GRAMD4: variants seen among roughly 807,000 people sequenced by gnomAD.
The protein encoded by GRAMD4 is GRAM domain containing 4.
Under a neutral mutation model 83.9 loss-of-function variants are expected in GRAMD4, and 25 were observed. The observed-to-expected ratio is 0.30, with a 90% CI of 0.22 to 0.42. GRAMD4 has a LOEUF of 0.42. Ranked by LOEUF, GRAMD4 falls within the 10% of genes least tolerant of loss-of-function variation. The pLI, the probability that GRAMD4 is intolerant of heterozygous loss-of-function variation, is 1.00. For missense variants in GRAMD4, 593 were observed against 788.7 expected (o/e 0.75, Z 2.97); for synonymous variants, 336 against 320.9 (o/e 1.05, Z -0.50).
intron 1 of GRAMD4, among the ~76,000 whole-genome samples, chr22:46,592,628 G>A (rs776045623): frequency 3.9e-5 from 6 of 152,078 alleles, no homozygotes; most frequent in African/African-American, 7.2e-5. Context: ...CATCCTCTAC[G>A]CCTGCAGAAG....
rs996603618 is a variant in GRAMD4 at position 46,677,524 on chromosome 22, G to C, written c.*273G>C. The stretch of plus-strand genomic sequence containing the variant: ...GGGGGAGGGGGCAGAGGCCCTCGGG[G>C]GCCCGTGGAGAAGACACACAGGACC... On this transcript the variant is annotated 3_prime_UTR_variant, in exon 19 of 19. Coordinates refer to ENST00000406902, the MANE Select transcript of GRAMD4 (RefSeq NM_015124.5). 2 of 1,207,454 alleles carry C rather than the reference G, an allele frequency of 1.7e-6. No homozygotes were observed. Among genetic ancestry groups the C allele is most frequent in the Non-Finnish European group, 2.1e-6 (2 of 966,046 alleles). 74.8% of individuals were successfully genotyped at this position (1,207,454 alleles called of 1,614,324 possible). A position where few individuals can be genotyped will look rare whatever the true frequency, so the allele number is the denominator to read the frequency against.
At chr22:46,642,758 T>A (rs2081990311) in intron 3 of GRAMD4, among the ~76,000 whole-genome samples, 1 of 152,226 alleles carries the variant, frequency 6.6e-6, no homozygotes, top group Admixed American at 6.5e-5. Flanking sequence ...TTTTTTCTTT[T>A]AAATTTTGAC....
intron 1 of GRAMD4, among the ~76,000 whole-genome samples, chr22:46,623,974 G>A (rs1166856262): frequency 1.3e-5 from 2 of 151,886 alleles, no homozygotes; most frequent in African/African-American, 4.8e-5. Flanking sequence ...CAGAGATGGA[G>A]GTTCGCCATG....
At chr22:46,615,182 G>C (rs1223928597) in intron 1 of GRAMD4, among the ~76,000 whole-genome samples, 1 of 10,844 alleles carries the variant, frequency 9.2e-5, no homozygotes, top group Non-Finnish European at 1.7e-4. Flanking sequence ...TGTAGGTTCC[G>C]CTGTGCGTGT....
chr22:46,677,047 A>G, intron 18 of GRAMD4, 100 bp from the exon 19 acceptor site: 1 of 1,374,782 alleles, frequency 7.3e-7, no homozygotes. Flanking sequence ...CCACGTGACT[A>G]GCGTGCTGGC....
In GRAMD4 at chr22:46,577,218, T is replaced by G. The variant is rs939647251; in HGVS notation, c.-122T>G. On this transcript the variant is annotated 5_prime_UTR_variant, in exon 1 of 2. Coordinates refer to the GRAMD4 transcript ENST00000431155. ...TGGGCTCCCGGGCGGGCGGCAGGCG[T>G]AGCGCGGCCGGGCGGCCGGCGAGGG... 6.5e-6 allele frequency: 6 copies of G among 916,206 alleles called. No individual in the cohort carries two copies. The African/African-American group carries it at 7.4e-5, about 11-fold the overall frequency. The allele number at this position is 916,206 out of a possible 1,614,324, so 56.8% of individuals were successfully genotyped here. A position where few individuals can be genotyped will look rare whatever the true frequency, so the allele number is the denominator to read the frequency against.
intron 1 of GRAMD4, among the ~76,000 whole-genome samples, chr22:46,614,242 C>T (rs1279968781): frequency 3.9e-5 from 6 of 152,232 alleles, no homozygotes; most frequent in Non-Finnish European, 7.3e-5. Flanking sequence ...GCAATGATGG[C>T]CGCTGGCATG....
intron 3 of GRAMD4, among the ~76,000 whole-genome samples, chr22:46,650,643 G>A (rs1166134347): frequency 2.0e-5 from 3 of 152,264 alleles, no homozygotes; most frequent in Non-Finnish European, 4.4e-5. Flanking sequence ...GCTGGAGCAG[G>A]TGGGTGCACA....
chr22:46,611,777 T>G (rs2081419198), intron 1 of GRAMD4, among the ~76,000 whole-genome samples: 1 of 150,624 alleles, frequency 6.6e-6, no homozygotes, highest in Admixed American at 6.6e-5. Context: ...GATCACGAGG[T>G]CAGGAGATCG....
intron 1 of GRAMD4, among the ~76,000 whole-genome samples, chr22:46,623,510 C>T (rs1178841707): frequency 6.0e-5 from 9 of 148,898 alleles, no homozygotes; most frequent in Non-Finnish European, 7.5e-5. Flanking sequence ...GCCTCAGCCT[C>T]CTGAGTAGCT....
upstream of GRAMD4, among the ~76,000 whole-genome samples, chr22:46,618,787 T>G (rs1447175508): frequency 6.6e-6 from 1 of 152,010 alleles, no homozygotes; most frequent in Non-Finnish European, 1.5e-5. The surrounding 1 kb of genome is among the most constrained non-coding windows in gnomAD (Gnocchi z 5.8). Flanking sequence ...TCTGGAGGCG[T>G]GCGGCCGGCG....
intron 8 of GRAMD4, 62 bp downstream of exon 8, chr22:46,664,179 A>G: frequency 3.4e-6 from 4 of 1,177,104 alleles, no homozygotes; most frequent in South Asian, 1.2e-5. Flanking sequence ...CATTCACCAC[A>G]TGATCAGGCA....
At chr22:46,581,871 T>G (rs1025810857) in intron 1 of GRAMD4, among the ~76,000 whole-genome samples, 1 of 152,234 alleles carries the variant, frequency 6.6e-6, no homozygotes, top group Non-Finnish European at 1.5e-5. Context: ...ACCTAACCTC[T>G]CTGGGCCTCA....
At chr22:46,628,197 A>G (rs1350762111) in intron 2 of GRAMD4, among the ~76,000 whole-genome samples, 1 of 152,118 alleles carries the variant, frequency 6.6e-6, no homozygotes, top group Non-Finnish European at 1.5e-5. Context: ...TTCCACGCAA[A>G]GGCCAGAGCG....
At chr22:46,634,391 G>A (rs1429660880) in intron 2 of GRAMD4, among the ~76,000 whole-genome samples, 1 of 152,236 alleles carries the variant, frequency 6.6e-6, no homozygotes, top group East Asian at 1.9e-4. Flanking sequence ...GGGAGACAGA[G>A]GAGAAGAAGA....
upstream of GRAMD4, among the ~76,000 whole-genome samples, chr22:46,618,728 CTGGA>C (rs2147128677): frequency 1.3e-5 from 2 of 150,860 alleles, no homozygotes; most frequent in African/African-American, 4.9e-5. This position sits in a 1 kb window ranked among gnomAD's most constrained non-coding sequence, Gnocchi z 5.8. Context: ...ACGCGGCTGC[CTGGA>C]CCAGGCTGGG....
At chr22:46,609,801 G>T (rs1393230271) in intron 1 of GRAMD4, among the ~76,000 whole-genome samples, 1 of 152,254 alleles carries the variant, frequency 6.6e-6, no homozygotes, top group African/African-American at 2.4e-5. Flanking sequence ...CTTAGGGCTG[G>T]CTCCTGGCTT....
chr22:46,623,089 C>T (rs550207567), intron 1 of GRAMD4, among the ~76,000 whole-genome samples: 4 of 152,194 alleles, frequency 2.6e-5, no homozygotes, highest in East Asian at 1.9e-4. Flanking sequence ...CCATAGCGCC[C>T]GAGTCTCTTC....
chr22:46,637,153 C>T (rs1015237525), intron 2 of GRAMD4, among the ~76,000 whole-genome samples: 3 of 152,134 alleles, frequency 2.0e-5, no homozygotes, highest in Non-Finnish European at 2.9e-5. Flanking sequence ...CACGGCCAGC[C>T]GGACACACGG....
Sources: gnomAD v4.1 joint callset for allele counts (sites outside exome capture counted in the v4.1 genomes callset) on GRCh38, gnomAD v4.1.1 for gene constraint, Gnocchi (gnomAD v3.1) non-coding constraint, MANE v1.5 for transcripts, NCBI Gene and HGNC (gene_info 2026-07-23, HGNC 2026-07-21) for gene names.